Variants in CADM2 observed in about 807,000 individuals in gnomAD.
The protein encoded by CADM2 is immunoglobulin superfamily member 4D.
In CADM2, 12 loss-of-function variants were observed where a neutral mutation model predicts 49.8. The observed-to-expected ratio is 0.24, with a 90% CI of 0.15 to 0.39. The LOEUF is 0.39. Among genes scored for constraint, CADM2 ranks in the 10% least tolerant of loss-of-function variants. CADM2 has a pLI of 1.00. For synonymous variants in CADM2, 214 were observed against 175.4 expected (o/e 1.22, Z -1.74); for missense variants, 378 against 492.3 (o/e 0.77, Z 2.20).
At chr3:85,128,566 G>T (rs1450788192) in intron 1 of CADM2, among the ~76,000 whole-genome samples, 1 of 152,018 alleles carries the variant, frequency 6.6e-6, no homozygotes, top group Non-Finnish European at 1.5e-5. Flanking sequence ...GTCTTAGAAG[G>T]GTCTGAAAGC....
chr3:85,709,614 G>T (rs2067054623), intron 1 of CADM2, among the ~76,000 whole-genome samples: 1 of 152,044 alleles, frequency 6.6e-6, no homozygotes, highest in African/African-American at 2.4e-5. Flanking sequence ...AATTTAAATG[G>T]CATAAAATGC....
intron 1 of CADM2, among the ~76,000 whole-genome samples, chr3:85,082,888 T>G (rs2107504255): frequency 6.6e-6 from 1 of 152,264 alleles, no homozygotes; most frequent in Admixed American, 6.5e-5. Flanking sequence ...GCTAGCTGTT[T>G]AGCGAAATCC....
chr3:85,302,244 A>G (rs1227851421), intron 1 of CADM2, among the ~76,000 whole-genome samples: 1 of 152,040 alleles, frequency 6.6e-6, no homozygotes. Context: ...AACTGCAGAT[A>G]TATCTGTAAT....
chr3:85,649,703 C>G (rs2064989466), intron 1 of CADM2, among the ~76,000 whole-genome samples: 1 of 152,160 alleles, frequency 6.6e-6, no homozygotes. Context: ...GACCGTGATT[C>G]TGCAGTCTTG....
At position 85,905,810 on chromosome 3, in the gene CADM2, G is replaced by T. The variant is rs192797160; in HGVS notation, c.530-6563G>T. Among the ~76,000 whole-genome samples the T allele has an allele frequency of 5.1e-4, 77 of 152,194 alleles. No homozygotes were observed. In the East Asian group the frequency reaches 0.01, roughly 21 times the overall value. ...TGATTCTCAGAATACAAGGTAACCT[G>T]TTGAAAAATTATTGTAAAAACTCTG... On this transcript the variant is annotated intron_variant, in intron 5 of 9. Transcript: ENST00000383699.
chr3:85,601,980 A>C (rs2063420130), intron 1 of CADM2, among the ~76,000 whole-genome samples: 1 of 151,824 alleles, frequency 6.6e-6, no homozygotes, highest in Non-Finnish European at 1.5e-5. Context: ...AAAGCAAATC[A>C]AATTAAAACT....
intron 1 of CADM2, among the ~76,000 whole-genome samples, chr3:85,284,668 A>T (rs185598439): frequency 1.3e-5 from 2 of 152,132 alleles, no homozygotes; most frequent in African/African-American, 2.4e-5. Flanking sequence ...CTGCCTATGC[A>T]TGGGAGGTCA....
At chr3:85,738,076 C>CT (rs2068220205) in intron 2 of CADM2, among the ~76,000 whole-genome samples, 1 of 152,138 alleles carries the variant, frequency 6.6e-6, no homozygotes, top group South Asian at 2.1e-4. Context: ...AAGTCATTAC[C>CT]TTACACCTCA....
chr3:85,739,321 C>T (rs993745152), intron 2 of CADM2, among the ~76,000 whole-genome samples: 9 of 152,126 alleles, frequency 5.9e-5, no homozygotes, highest in Middle Eastern at 3.4e-3. Context: ...AGAGTCTGAA[C>T]ATTAAGTTTT....
At position 85,198,396 on chromosome 3, in the gene CADM2, CT is replaced by C. The variant is rs71617935; in HGVS notation, c.61+238739del. On this transcript the variant is annotated intron_variant, in intron 1 of 9. Transcript: ENST00000383699. ...TATATTCACTTACATGGTCCTATAT[CT>C]TTTTTTTTTTCACTGTTTACAACCC... 7.0e-3 allele frequency among the ~76,000 whole-genome samples: 1,009 copies of C among 144,280 alleles called. 10 individuals are homozygous for C. Among genetic ancestry groups the C allele is most frequent in the African/African-American group, 0.02 (801 of 39,768 alleles). 94.7% of individuals were successfully genotyped at this position (144,280 alleles called of 152,430 possible).
intron 1 of CADM2, among the ~76,000 whole-genome samples, chr3:85,007,369 C>T (rs180723795): frequency 2.6e-5 from 4 of 152,038 alleles, no homozygotes; most frequent in African/African-American, 7.2e-5. Context: ...CTCATTGTTG[C>T]ATAACAGACA....
intron 3 of CADM2, among the ~76,000 whole-genome samples, chr3:85,807,441 G>A (rs1293310705): frequency 6.8e-6 from 1 of 146,886 alleles, no homozygotes; most frequent in Admixed American, 6.9e-5. Flanking sequence ...AGAGGTTGCA[G>A]TGAACTGAGA....
intron 8 of CADM2, among the ~76,000 whole-genome samples, chr3:85,970,624 A>AATATT (rs138537287): frequency 0.025 from 3,841 of 151,636 alleles, 185 homozygotes; most frequent in African/African-American, 0.088. Context: ...TTCAATATAG[A>AATATT]ATATTGCATT....
chr3:85,572,873 C>T (rs191580568), intron 1 of CADM2, among the ~76,000 whole-genome samples: 300 of 152,266 alleles, frequency 2.0e-3, no homozygotes, highest in African/African-American at 7.0e-3. Flanking sequence ...CTCAGACTTA[C>T]CTTTATCTCC....
At chr3:85,017,499 C>T (rs2034303473) in intron 1 of CADM2, among the ~76,000 whole-genome samples, 3 of 152,082 alleles carry the variant, frequency 2.0e-5, no homozygotes, top group African/African-American at 7.2e-5. Context: ...AAATGTTTCT[C>T]CAGTTAAGTT....
intron 3 of CADM2, among the ~76,000 whole-genome samples, chr3:85,832,266 A>G (rs977988520): frequency 6.6e-6 from 1 of 151,046 alleles, no homozygotes; most frequent in Admixed American, 6.6e-5. Context: ...ATCCAGCTTT[A>G]TTTTTTTTGC....
At chr3:85,198,194 C>T (rs560927423) in intron 1 of CADM2, among the ~76,000 whole-genome samples, 23 of 151,946 alleles carry the variant, frequency 1.5e-4, no homozygotes, top group African/African-American at 5.1e-4. Flanking sequence ...TTAGCATTCT[C>T]TTCCAGTAGT....
At chr3:85,953,887 G>A (rs1164071651) in intron 7 of CADM2, among the ~76,000 whole-genome samples, 1 of 150,682 alleles carries the variant, frequency 6.6e-6, no homozygotes. Flanking sequence ...GTGTAGAATA[G>A]GACATTTTCT....
intron 1 of CADM2, among the ~76,000 whole-genome samples, chr3:85,637,368 C>T (rs900424553): frequency 1.3e-5 from 2 of 150,590 alleles, no homozygotes; most frequent in African/African-American, 4.9e-5. Flanking sequence ...TTTGGGAGGC[C>T]GAGGCGGGTG....
Sources: gnomAD v4.1 joint callset for allele counts (sites outside exome capture counted in the v4.1 genomes callset) on GRCh38, gnomAD v4.1.1 for gene constraint, MANE v1.5 for transcripts, NCBI Gene and HGNC (gene_info 2026-07-23, HGNC 2026-07-21) for gene names.